MYBPC1: variants seen among roughly 807,000 people sequenced by gnomAD.
MYBPC1 encodes the protein myosin binding protein C1.
In MYBPC1, 52 loss-of-function variants were observed where a neutral mutation model predicts 147.1. The ratio of observed to expected loss-of-function variants is 0.35; its 90% CI spans 0.28 to 0.45. MYBPC1 has a LOEUF of 0.45. MYBPC1 is among the 20% of genes least tolerant of loss of function. MYBPC1 has a pLI of 1.00. For synonymous variants in MYBPC1, 477 were observed against 475.9 expected (o/e 1.00, Z -0.03); for missense variants, 1,228 against 1,440.3 (o/e 0.85, Z 2.39).
chr12:101,650,159 G>T (rs1309961375), intron 15 of MYBPC1, among the ~76,000 whole-genome samples: 1 of 152,106 alleles, frequency 6.6e-6, no homozygotes, highest in Non-Finnish European at 1.5e-5. Flanking sequence ...TCTGATATTT[G>T]TATCCATTTA....
chr12:101,669,412 A>G (rs910377743), intron 23 of MYBPC1, among the ~76,000 whole-genome samples: 15 of 152,208 alleles, frequency 9.9e-5, no homozygotes, highest in African/African-American at 3.4e-4. Flanking sequence ...ATGATGTTTA[A>G]TTAATGAATA....
intron 11 of MYBPC1, among the ~76,000 whole-genome samples, chr12:101,644,256 C>T (rs556878335): frequency 1.3e-5 from 2 of 152,208 alleles, no homozygotes; most frequent in East Asian, 1.9e-4. Context: ...AGGCCGGTTT[C>T]GATCTCCTGG....
chr12:101,632,277 C>T (rs1420246628), intron 8 of MYBPC1, 139 bp downstream of exon 8: 9 of 715,458 alleles, frequency 1.3e-5, no homozygotes. Context: ...GTAGTCTCAG[C>T]AAGCTTGCTG....
At chr12:101,663,701 G>GTATATAAAC (rs1269441793) in intron 22 of MYBPC1, 141 bp downstream of exon 22, 2 of 996,130 alleles carry the variant, frequency 2.0e-6, no homozygotes, top group African/African-American at 3.2e-5. Context: ...CTTCTGAGAT[G>GTATATAAAC]TATATAAACT....
At chr12:101,617,071 G>A (rs1937288716) in intron 2 of MYBPC1, 131 bp from the exon 3 acceptor site, 6 of 769,758 alleles carry the variant, frequency 7.8e-6, no homozygotes, top group Middle Eastern at 3.0e-4. Context: ...TGTACAGCAC[G>A]AGTATTCAGT....
chr12:101,637,765 CTGTAT>C (rs1304876545), intron 10 of MYBPC1, among the ~76,000 whole-genome samples: 1 of 152,092 alleles, frequency 6.6e-6, no homozygotes, highest in African/African-American at 2.4e-5. Flanking sequence ...AGTTAGATAG[CTGTAT>C]TGAAGTCTCT....
Position 101,663,510 on chromosome 12 carries a change from T to G in MYBPC1, c.2306T>G (p.Ile769Ser). ...VTMRWRPPDH[I>S]GAAGLDGYVL... ...ATGAGGTGGCGCCCCCCAGACCACA[T>G]TGGTGCAGCAGGTTTAGATGGCTAT... The change falls in exon 22 of 32, where the codon ATT becomes AGT. Residue 769 changes from isoleucine (I) to serine (S), a missense_variant. This residue lies in a region of MYBPC1 where 1,077 missense variants were observed against 1,314.2 expected (regional missense o/e 0.82). Transcript: ENST00000361466. The G allele has an allele frequency of 1.9e-6, 3 of 1,614,106 alleles. No homozygotes were observed. Among genetic ancestry groups the G allele is most frequent in the Non-Finnish European group, 2.5e-6 (3 of 1,180,006 alleles).
chr12:101,680,826 C>T lies in MYBPC1; in HGVS notation c.3433+297C>T, dbSNP rs144081745. Among the ~76,000 whole-genome samples the T allele has an allele frequency of 1.1e-4, 16 of 152,204 alleles. No homozygotes were observed. In the East Asian group the frequency reaches 2.9e-3, roughly 28 times the overall value. On this transcript the variant is annotated intron_variant, in intron 29 of 31. Transcript: ENST00000361466. Reference sequence around the variant, plus strand: ...TTTCAGTGGAATGTTAGTGTGTGTACAGCATGGTAAGAATGAAAGGGGCTA... The same window carrying T: ...TTTCAGTGGAATGTTAGTGTGTGTATAGCATGGTAAGAATGAAAGGGGCTA...
At chr12:101,668,472 T>C (rs1442181872) in intron 23 of MYBPC1, among the ~76,000 whole-genome samples, 1 of 152,162 alleles carries the variant, frequency 6.6e-6, no homozygotes, top group East Asian at 1.9e-4. Flanking sequence ...CTCTTTTTTT[T>C]ATTTTTGAGA....
At chr12:101,605,521 G>T (rs1881811965) in intron 1 of MYBPC1, among the ~76,000 whole-genome samples, 1 of 151,998 alleles carries the variant, frequency 6.6e-6, no homozygotes, top group Admixed American at 6.6e-5. Flanking sequence ...CTTTAATTTG[G>T]AATACAGTAA....
chr12:101,658,388 TA>T (rs56350975), intron 18 of MYBPC1, among the ~76,000 whole-genome samples: 34,655 of 149,828 alleles, frequency 0.23, 4,079 homozygotes, highest in Middle Eastern at 0.32. Context: ...TTCAATCTGA[TA>T]AAAAAAAAAA....
chr12:101,601,604 T>C (rs1468255962), intron 1 of MYBPC1, among the ~76,000 whole-genome samples: 1 of 152,244 alleles, frequency 6.6e-6, no homozygotes, highest in African/African-American at 2.4e-5. Flanking sequence ...AAATCCACTT[T>C]GATAAGACTT....
intron 22 of MYBPC1, chr12:101,666,749 T>C (rs1897511750): frequency 6.2e-7 from 1 of 1,613,800 alleles, no homozygotes. Context: ...CAAAGGTACA[T>C]CAGCAAAACA....
At chr12:101,649,204 G>A (rs1431607806) in intron 14 of MYBPC1, 56 bp from the exon 15 acceptor site, 2 of 1,486,866 alleles carry the variant, frequency 1.3e-6, no homozygotes, top group Admixed American at 1.7e-5. Context: ...AGATGGACAA[G>A]GTATTTTTCC....
intron 3 of MYBPC1, among the ~76,000 whole-genome samples, chr12:101,626,469 T>C (rs1378298250): frequency 3.9e-5 from 6 of 152,228 alleles, no homozygotes; most frequent in Non-Finnish European, 4.4e-5. Flanking sequence ...GGCTTTTATG[T>C]CTGTGTCCAA....
At position 101,651,287 on chromosome 12, in the gene MYBPC1, G is replaced by T; in HGVS notation, c.1420G>T (p.Glu474Ter). 6.2e-7 allele frequency: 1 copy of T among 1,614,068 alleles called. No homozygotes were observed. The highest frequency in any genetic ancestry group is 8.5e-7 in the Non-Finnish European group (1 of 1,179,978). The change falls in exon 16 of 32, where the codon GAA (glutamate) becomes TAA (stop). Residue 474 changes from glutamate (E) to a stop codon, truncating the protein, a stop_gained. Transcript: ENST00000361466. LOFTEE classifies it high-confidence loss of function. The part of the protein sequence containing the change: ...LTDQTVNLGK[E>*]ICLKCEISEN... ...TGATCAGACTGTAAATCTTGGAAAA[G>T]AAATCTGCCTGAAGTGTGAAATCTC...
chr12:101,637,637 G>A (rs1891260942), intron 10 of MYBPC1, among the ~76,000 whole-genome samples: 1 of 151,892 alleles, frequency 6.6e-6, no homozygotes, highest in East Asian at 1.9e-4. Context: ...TAACTTTCCA[G>A]GCTTTTAAAA....
chr12:101,668,143 G>A lies in MYBPC1; in HGVS notation c.2524+244G>A, dbSNP rs185306253. Among the ~76,000 whole-genome samples, 227 of 152,170 alleles carry A rather than the reference G, an allele frequency of 1.5e-3. 1 individual carries two copies. Among genetic ancestry groups the A allele is most frequent in the Middle Eastern group, 6.8e-3 (2 of 294 alleles). ...GTTAGTTAACCTCTCCTGGTTCCAGGAGCCAACTCTGGCTGGGCTGCCTAT... is the reference window on the plus strand; with the variant it reads ...GTTAGTTAACCTCTCCTGGTTCCAGAAGCCAACTCTGGCTGGGCTGCCTAT... On this transcript the variant is annotated intron_variant, in intron 23 of 31. Coordinates refer to ENST00000361466, the MANE Select transcript of MYBPC1 (RefSeq NM_002465.4).
intron 1 of MYBPC1, among the ~76,000 whole-genome samples, chr12:101,597,125 C>G (rs1435020499): frequency 1.3e-5 from 2 of 152,178 alleles, no homozygotes; most frequent in Non-Finnish European, 2.9e-5. Flanking sequence ...AATTCATGAA[C>G]TATTCTGGTC....
Sources: gnomAD v4.1 joint callset for allele counts (sites outside exome capture counted in the v4.1 genomes callset) on GRCh38, gnomAD v4.1.1 for gene constraint, gnomAD v4.1.1 regional missense constraint, MANE v1.5 for transcripts, NCBI Gene and HGNC (gene_info 2026-07-23, HGNC 2026-07-21) for gene names.